Variants in DPYD observed in about 807,000 individuals in gnomAD.
DPYD encodes the protein dihydropyrimidine dehydrogenase.
In DPYD, 109 loss-of-function variants were observed where a neutral mutation model predicts 116.2. The observed-to-expected ratio is 0.94, with a 90% CI of 0.80 to 1.10. The LOEUF (loss-of-function observed/expected upper bound fraction) is 1.10. Ranked by LOEUF, DPYD falls within the 50% of genes least tolerant of loss-of-function variation. DPYD has a pLI of 0.00. For missense variants in DPYD, 1,302 were observed against 1,254.5 expected, an observed-to-expected ratio of 1.04 and a Z score of -0.57; for synonymous variants, 440 against 432.0, an observed-to-expected ratio of 1.02 and a Z score of -0.23.
intron 12 of DPYD, among the ~76,000 whole-genome samples, chr1:97,536,742 C>G (rs929842503): frequency 6.6e-6 from 1 of 152,168 alleles, no homozygotes; most frequent in Non-Finnish European, 1.5e-5. Flanking sequence ...CCAGATTTCA[C>G]AGGGGCTGCA....
intron 1 of DPYD, among the ~76,000 whole-genome samples, chr1:97,890,955 A>C (rs2101659505): frequency 6.6e-6 from 1 of 152,108 alleles, no homozygotes; most frequent in South Asian, 2.1e-4. Flanking sequence ...ATATTGGGTT[A>C]ACCTTTTGCA....
At chr1:97,410,921 T>C (rs1673954216) in intron 14 of DPYD, among the ~76,000 whole-genome samples, 1 of 152,152 alleles carries the variant, frequency 6.6e-6, no homozygotes, top group African/African-American at 2.4e-5. Context: ...CAGACATGTG[T>C]GCCTCTCTGA....
chr1:97,101,817 A>G (rs1451741188), intron 20 of DPYD, among the ~76,000 whole-genome samples: 2 of 151,998 alleles, frequency 1.3e-5, no homozygotes, highest in African/African-American at 4.8e-5. Flanking sequence ...GACTATCAAA[A>G]GCTGCTTTGT....
intron 22 of DPYD, 75 bp downstream of exon 22, chr1:97,082,255 A>G: frequency 1.3e-6 from 2 of 1,582,356 alleles, no homozygotes; most frequent in Non-Finnish European, 1.7e-6. Context: ...CACACATAGC[A>G]ACAGAAAATG....
intron 14 of DPYD, among the ~76,000 whole-genome samples, chr1:97,439,930 AG>A (rs754217666): frequency 5.3e-5 from 8 of 152,260 alleles, no homozygotes; most frequent in Admixed American, 1.3e-4. Flanking sequence ...ATTCAGTTCA[AG>A]GTACTTTCTA....
At chr1:97,748,143 A>G (rs1198832018) in intron 3 of DPYD, among the ~76,000 whole-genome samples, 2 of 152,238 alleles carry the variant, frequency 1.3e-5, no homozygotes, top group Admixed American at 6.5e-5. Context: ...CATTTTCTCC[A>G]TACGGGATTT....
intron 12 of DPYD, among the ~76,000 whole-genome samples, chr1:97,527,178 A>C (rs1052892830): frequency 4.0e-5 from 6 of 151,266 alleles, no homozygotes; most frequent in Admixed American, 4.0e-4. Context: ...TCCCGGGTTC[A>C]CGCCATTTTC....
At chr1:97,144,994 G>A (rs1422575411) in intron 20 of DPYD, among the ~76,000 whole-genome samples, 1 of 152,118 alleles carries the variant, frequency 6.6e-6, no homozygotes, top group African/African-American at 2.4e-5. Flanking sequence ...ATGGCCACAG[G>A]GTGATGGTGG....
At chr1:97,103,780 T>C (rs1435688060) in intron 20 of DPYD, among the ~76,000 whole-genome samples, 2 of 152,030 alleles carry the variant, frequency 1.3e-5, no homozygotes, top group African/African-American at 4.8e-5. Context: ...ATCAATGAAA[T>C]GAGAATGACA....
intron 14 of DPYD, among the ~76,000 whole-genome samples, chr1:97,391,865 G>A (rs1007581026): frequency 1.3e-5 from 2 of 151,996 alleles, no homozygotes; most frequent in African/African-American, 4.8e-5. Flanking sequence ...CTTTCTGAGT[G>A]TAATTTGCAT....
At chr1:97,887,881 A>C (rs1672587389) in intron 1 of DPYD, among the ~76,000 whole-genome samples, 1 of 151,990 alleles carries the variant, frequency 6.6e-6, no homozygotes, top group South Asian at 2.1e-4. Context: ...TGGTTTTATA[A>C]GTGACTTTTC....
At chr1:97,734,275 C>T (rs555644286) in intron 4 of DPYD, among the ~76,000 whole-genome samples, 1 of 152,168 alleles carries the variant, frequency 6.6e-6, no homozygotes, top group South Asian at 2.1e-4. Context: ...TATTCCAGAT[C>T]TACTTATTGA....
At chr1:97,161,002 A>G (rs933812464) in intron 20 of DPYD, among the ~76,000 whole-genome samples, 1 of 152,154 alleles carries the variant, frequency 6.6e-6, no homozygotes, top group African/African-American at 2.4e-5. Flanking sequence ...CCCCAACCAT[A>G]GCAAAGCCTG....
rs1009647896 is a variant in DPYD, at chr1:97,639,931, T to A, written c.850+39164A>T. 2.0e-5 allele frequency among the ~76,000 whole-genome samples: 3 copies of A among 152,270 alleles called. No individual in the cohort carries two copies. In the East Asian group the frequency reaches 5.8e-4, roughly 29 times the overall value. ...GTTTCTGAGTGACACTGATTAACAATCTTGTGAAAGCTGGCCTTTATTCTA... is the reference window on the plus strand; with the variant it reads ...GTTTCTGAGTGACACTGATTAACAAACTTGTGAAAGCTGGCCTTTATTCTA... On this transcript the variant is annotated intron_variant, in intron 8 of 22. Transcript: ENST00000370192.
chr1:97,241,961 C>T (rs1484844374), intron 18 of DPYD, among the ~76,000 whole-genome samples: 1 of 150,668 alleles, frequency 6.6e-6, no homozygotes, highest in Non-Finnish European at 1.5e-5. Flanking sequence ...ATATTCATTC[C>T]TAGATATAAC....
At chr1:97,289,588 A>C (rs1665988042) in intron 18 of DPYD, among the ~76,000 whole-genome samples, 1 of 151,974 alleles carries the variant, frequency 6.6e-6, no homozygotes, top group Non-Finnish European at 1.5e-5. Flanking sequence ...GACAAAAACC[A>C]CATGATTATC....
chr1:97,505,817 A>T (rs1224452865), intron 13 of DPYD, among the ~76,000 whole-genome samples: 1 of 151,972 alleles, frequency 6.6e-6, no homozygotes, highest in Admixed American at 6.6e-5. Context: ...TAGAGGGTAA[A>T]TTTGGCAGGA....
At chr1:97,843,131 A>G (rs1670118038) in intron 2 of DPYD, among the ~76,000 whole-genome samples, 1 of 152,074 alleles carries the variant, frequency 6.6e-6, no homozygotes, top group African/African-American at 2.4e-5. Flanking sequence ...TTAAGTCTCA[A>G]TTTATACAGA....
intron 2 of DPYD, among the ~76,000 whole-genome samples, chr1:97,876,872 C>CT (rs1039126806): frequency 2.0e-4 from 30 of 151,914 alleles, no homozygotes; most frequent in Admixed American, 5.9e-4. Flanking sequence ...TTAAAAGTAA[C>CT]TTTTTTCCTC....
Sources: gnomAD v4.1 joint callset for allele counts (sites outside exome capture counted in the v4.1 genomes callset) on GRCh38, gnomAD v4.1.1 for gene constraint, MANE v1.5 for transcripts, NCBI Gene and HGNC (gene_info 2026-07-23, HGNC 2026-07-21) for gene names.